DNAH11: variants seen among roughly 807,000 people sequenced by gnomAD.
DNAH11 encodes the protein dynein axonemal heavy chain 11.
Under a neutral mutation model 526.0 loss-of-function variants are expected in DNAH11, and 442 were observed. The ratio of observed to expected loss-of-function variants is 0.84; its 90% CI spans 0.78 to 0.91. DNAH11 has a LOEUF of 0.91. Ranked by LOEUF, DNAH11 falls within the 40% of genes least tolerant of loss-of-function variation. The probability of loss-of-function intolerance (pLI) is 0.00; values close to 1 mark genes in which losing one functional copy is unlikely to be tolerated. For synonymous variants in DNAH11, 2,461 were observed against 1,935.9 expected, an observed-to-expected ratio of 1.27 and a Z score of -7.12; for missense variants, 6,989 against 5,448.7, an observed-to-expected ratio of 1.28 and a Z score of -8.90.
intron 46 of DNAH11, among the ~76,000 whole-genome samples, chr7:21,736,909 T>A (rs1233316684): frequency 6.6e-6 from 1 of 152,212 alleles, no homozygotes. Context: ...TAGGGTATGT[T>A]TTTCATTTGC....
At chr7:21,837,158 T>C (rs1381748212) in intron 65 of DNAH11, among the ~76,000 whole-genome samples, 1 of 152,166 alleles carries the variant, frequency 6.6e-6, no homozygotes, top group Admixed American at 6.5e-5. Flanking sequence ...TGTAAATCGG[T>C]ATAGCCATTA....
At chr7:21,886,797 C>A (rs1190045085) in intron 76 of DNAH11, among the ~76,000 whole-genome samples, 1 of 152,182 alleles carries the variant, frequency 6.6e-6, no homozygotes, top group Non-Finnish European at 1.5e-5. Context: ...GAAGGGGCAT[C>A]AGTGATGTGT....
At chr7:21,646,621 G>C (rs532451032) in intron 28 of DNAH11, among the ~76,000 whole-genome samples, 7 of 152,266 alleles carry the variant, frequency 4.6e-5, no homozygotes, top group Admixed American at 4.6e-4. Context: ...CCCAGGCCTG[G>C]GGAAAGAACT....
At chr7:21,773,693 T>G in intron 55 of DNAH11, 73 bp from the exon 56 acceptor site, 1 of 1,000,388 alleles carries the variant, frequency 1.0e-6, no homozygotes, top group Non-Finnish European at 1.3e-6. Flanking sequence ...AAATGATCAT[T>G]TACTTGATTT....
intron 14 of DNAH11, among the ~76,000 whole-genome samples, chr7:21,592,470 T>C (rs1251093229): frequency 6.6e-6 from 1 of 152,044 alleles, no homozygotes; most frequent in African/African-American, 2.4e-5. Context: ...GGAGTGGTAG[T>C]AGAGGGTGAG....
chr7:21,685,709 A>G (rs999710120), intron 32 of DNAH11, among the ~76,000 whole-genome samples: 5 of 152,144 alleles, frequency 3.3e-5, no homozygotes, highest in Admixed American at 1.3e-4. Context: ...ACAAAAGACA[A>G]TGGCTGAAAT....
chr7:21,571,861 G>A lies in DNAH11; in HGVS notation c.1481G>A (p.Gly494Asp), dbSNP rs757670938. The change falls in exon 8 of 82, where the codon GGT becomes GAT. Residue 494 changes from glycine to aspartate, a missense_variant. Gly to Asp is a moderately conservative substitution (Grantham distance 94). Coordinates refer to ENST00000409508, the MANE Select transcript of DNAH11 (RefSeq NM_001277115.2). Reference sequence around the variant, plus strand: ...AAGCTGGAAAGACTGGAATTTGGTGGTACCAAAGGAGCAATTTTAAATGGA... The same window carrying A: ...AAGCTGGAAAGACTGGAATTTGGTGATACCAAAGGAGCAATTTTAAATGGA... ...FEKLERLEFG[G>D]TKGAILNGQV... The A allele has an allele frequency of 1.5e-5, 25 of 1,612,990 alleles. No individual in the cohort carries two copies. Among genetic ancestry groups the A allele is most frequent in the Non-Finnish European group, 2.0e-5 (24 of 1,179,474 alleles).
intron 68 of DNAH11, among the ~76,000 whole-genome samples, chr7:21,858,615 G>A (rs899525790): frequency 3.9e-5 from 6 of 152,278 alleles, no homozygotes; most frequent in African/African-American, 1.4e-4. Flanking sequence ...GCCAGATACC[G>A]AGGAGTATAT....
chr7:21,666,378 C>T (rs1177583274), intron 30 of DNAH11, among the ~76,000 whole-genome samples: 1 of 152,044 alleles, frequency 6.6e-6, no homozygotes, highest in Non-Finnish European at 1.5e-5. Flanking sequence ...TTCTCCACTC[C>T]TCTTTTATTA....
intron 18 of DNAH11, among the ~76,000 whole-genome samples, chr7:21,603,802 T>C (rs1785181501): frequency 6.6e-6 from 1 of 152,198 alleles, no homozygotes; most frequent in South Asian, 2.1e-4. Flanking sequence ...AACCTTAAAC[T>C]ATATCTCATA....
intron 8 of DNAH11, among the ~76,000 whole-genome samples, chr7:21,575,586 T>C (rs553908980): frequency 1.3e-5 from 2 of 152,226 alleles, no homozygotes; most frequent in Non-Finnish European, 2.9e-5. Flanking sequence ...TATTCAAGAT[T>C]AAATGAGTTA....
Position 21,744,926 on chromosome 7 carries a change from TAGAGGGAAGGAC to T in DNAH11, c.8374_8385del (p.Arg2792_Asp2795del). On this transcript the variant is annotated inframe_deletion, in exon 51 of 82. Coordinates refer to ENST00000409508, the MANE Select transcript of DNAH11 (RefSeq NM_001277115.2). ...CCCTCATTTATTGCCACTTTGCTGATAGAGGGAAGGACCCACATTACATGCCAGTGAAGGACT... is the reference window on the plus strand; with the variant it reads ...CCCTCATTTATTGCCACTTTGCTGATCCACATTACATGCCAGTGAAGGACT... 6.2e-7 allele frequency: 1 copy of T among 1,611,248 alleles called. No individual in the cohort carries two copies. Among genetic ancestry groups the T allele is most frequent in the African/African-American group, 1.3e-5 (1 of 75,010 alleles).
At position 21,880,809 on chromosome 7, in the gene DNAH11, C is replaced by A. The variant is rs1783897441; in HGVS notation, c.12303C>A (p.Gly4101=). ...GGAGACTGAGGTTTGGCCCCCAGGG[C>A]TGGAGCCGAAGCTATCCTTTTAATC... The part of the protein sequence containing the change: ...VAGRLRFGPQ[G]WSRSYPFNPG... Residue 4101 remains glycine (G), a synonymous_variant, in exon 75 of 82, where the codon GGC becomes GGA. Transcript: ENST00000409508. The A allele has an allele frequency of 6.2e-7, 1 of 1,613,892 alleles. No individual in the cohort carries two copies. Among genetic ancestry groups the A allele is most frequent in the Non-Finnish European group, 8.5e-7 (1 of 1,179,908 alleles).
rs1255085055 is a variant in DNAH11 at position 21,656,123 on chromosome 7, G to GA, written c.5094+142_5094+143insA. 1.3e-5 allele frequency: 12 copies of GA among 931,548 alleles called. No homozygotes were observed. In the African/African-American group the frequency reaches 2.0e-4, roughly 16 times the overall value. The allele number at this position is 931,548 out of a possible 1,614,324, so 57.7% of individuals were successfully genotyped here. On this transcript the variant is annotated intron_variant, in intron 29 of 81. Coordinates refer to ENST00000409508, the MANE Select transcript of DNAH11 (RefSeq NM_001277115.2). ...TGTGCTCGGAGGTTCCTTTTTATCT[G>GA]TATCCACTGTGACAGAGGGCTCTTC... is the stretch of plus-strand genomic sequence containing the variant.
chr7:21,899,414 C>A lies in DNAH11; in HGVS notation c.13128C>A (p.Leu4376=), dbSNP rs56333627. 0.3 allele frequency: 479,098 copies of A among 1,613,276 alleles called. 74,262 individuals are homozygous for A. The highest frequency in any genetic ancestry group is 0.32 in the Non-Finnish European group (374,041 of 1,179,370). The change falls in exon 80 of 82, where the codon CTC becomes CTA. Residue 4376 remains leucine, a synonymous_variant. Transcript: ENST00000409508. ...TTACCCTTCCGGCTGTCGTGTGGCT[C>A]TCCGGCTTCTTCAACCCTCAGTCCT... is the stretch of plus-strand genomic sequence containing the variant. ...QDLTLPAVVW[L]SGFFNPQSFL... is the part of the protein sequence containing the mutation.
rs1788970483 is a variant in DNAH11 at position 21,801,131 on chromosome 7, A to G, written c.10027-6A>G. Reference sequence around the variant, plus strand: ...TGACTCAAAAGTTAATTCAACTCTGATTCAGGATCTGGATCGAAATCTGAG... The same window carrying G: ...TGACTCAAAAGTTAATTCAACTCTGGTTCAGGATCTGGATCGAAATCTGAG... On this transcript the variant is annotated splice_region_variant and splice_polypyrimidine_tract_variant and intron_variant, in intron 61 of 81. Transcript: ENST00000409508. 1 of 1,602,802 alleles carries G rather than the reference A, an allele frequency of 6.2e-7. No individual in the cohort carries two copies. The highest frequency in any genetic ancestry group is 1.3e-5 in the African/African-American group (1 of 74,798).
chr7:21,628,582 T>C (rs1395949015), intron 25 of DNAH11, among the ~76,000 whole-genome samples: 1 of 152,198 alleles, frequency 6.6e-6, no homozygotes, highest in Non-Finnish European at 1.5e-5. Context: ...ATTGATGTGC[T>C]ACATCACATT....
intron 67 of DNAH11, among the ~76,000 whole-genome samples, chr7:21,853,168 C>A (rs1782708039): frequency 6.6e-6 from 1 of 152,212 alleles, no homozygotes; most frequent in Admixed American, 6.5e-5. Flanking sequence ...AGGCTTCCTG[C>A]TAATGTCCAA....
chr7:21,794,603 G>C (rs1046883179), intron 61 of DNAH11, among the ~76,000 whole-genome samples: 2 of 152,178 alleles, frequency 1.3e-5, no homozygotes, highest in African/African-American at 4.8e-5. Context: ...GTGCCCAGAA[G>C]ACCCATGGAG....
Sources: allele counts gnomAD v4.1 joint callset (sites outside exome capture counted in the v4.1 genomes callset), GRCh38; gene constraint gnomAD v4.1.1; transcripts MANE v1.5; gene names NCBI Gene and HGNC (gene_info 2026-07-23, HGNC 2026-07-21).